The following MAPKAP1 variants were observed in gnomAD, a reference collection of about 807,000 sequenced individuals.
MAPKAP1 encodes the protein target of rapamycin complex 2 subunit MAPKAP1.
MAPKAP1 carries 20 observed loss-of-function variants against 65.7 expected under a neutral mutation model. That is an observed-to-expected ratio of 0.30 (90% CI 0.21 to 0.44). The LOEUF is 0.44. MAPKAP1 is among the 20% of genes least tolerant of loss of function. The pLI, the probability that MAPKAP1 is intolerant of heterozygous loss-of-function variation, is 1.00. For synonymous variants in MAPKAP1, 222 were observed against 244.3 expected, an observed-to-expected ratio of 0.91 and a Z score of 0.85; for missense variants, 423 against 648.0, an observed-to-expected ratio of 0.65 and a Z score of 3.77.
rs2070113 is a variant in MAPKAP1, at chr9:125,484,507, G to A, written c.1143C>T (p.His381=). The A allele has an allele frequency of 0.22, 358,315 of 1,612,050 alleles. 42,197 individuals are homozygous for A. The highest frequency in any genetic ancestry group is 0.29 in the East Asian group (12,928 of 44,774). Reference sequence around the variant, plus strand: ...TGCTGACTTTGAATGACTTGTAATGGTGGCTGCTAAGCATATCCTGTACTG... The same window carrying A: ...TGCTGACTTTGAATGACTTGTAATGATGGCTGCTAAGCATATCCTGTACTG... ...IATVQDMLSS[H]HYKSFKVSMI... The change falls in exon 9 of 12, where the codon CAC becomes CAT. Residue 381 remains histidine, a synonymous_variant. Transcript: ENST00000265960.
chr9:125,520,226 G>A (rs1260151454), intron 7 of MAPKAP1, among the ~76,000 whole-genome samples: 1 of 152,180 alleles, frequency 6.6e-6, no homozygotes, highest in African/African-American at 2.4e-5. Context: ...AGTAAAACGT[G>A]TAAGTAGAAA....
At chr9:125,694,877 A>G (rs1835336891) in intron 1 of MAPKAP1, among the ~76,000 whole-genome samples, 1 of 152,256 alleles carries the variant, frequency 6.6e-6, no homozygotes, top group Non-Finnish European at 1.5e-5. Flanking sequence ...AAATACATTC[A>G]AAACATTTAG....
intron 1 of MAPKAP1, among the ~76,000 whole-genome samples, chr9:125,698,294 TA>T (rs1835468722): frequency 1.6e-4 from 1 of 6,320 alleles, no homozygotes; most frequent in African/African-American, 6.8e-4. Context: ...TATAAATATA[TA>T]TATATATATA....
intron 5 of MAPKAP1, among the ~76,000 whole-genome samples, chr9:125,577,343 T>C: frequency 6.7e-6 from 1 of 148,456 alleles, no homozygotes; most frequent in Non-Finnish European, 1.5e-5. Flanking sequence ...GTCTGGTAAG[T>C]GAGGAGCGTC....
intron 4 of MAPKAP1, among the ~76,000 whole-genome samples, chr9:125,590,226 G>C (rs533033274): frequency 6.6e-6 from 1 of 152,198 alleles, no homozygotes; most frequent in Non-Finnish European, 1.5e-5. Flanking sequence ...TAGAGATGCA[G>C]AGCAGTATGC....
At chr9:125,443,855 C>T (rs1852596143) in intron 11 of MAPKAP1, among the ~76,000 whole-genome samples, 2 of 152,118 alleles carry the variant, frequency 1.3e-5, no homozygotes, top group African/African-American at 4.8e-5. Context: ...TCCATACCTC[C>T]ACCCCAAGTC....
chr9:125,444,363 A>G, intron 11 of MAPKAP1, 138 bp downstream of exon 11: 1 of 650,818 alleles, frequency 1.5e-6, no homozygotes, highest in East Asian at 2.9e-5. Context: ...GCAAGCTGCG[A>G]CACTCCTCCT....
At chr9:125,446,695 G>A (rs1361680792) in intron 10 of MAPKAP1, among the ~76,000 whole-genome samples, 1 of 152,070 alleles carries the variant, frequency 6.6e-6, no homozygotes, top group Non-Finnish European at 1.5e-5. Flanking sequence ...CAGGGCCTGG[G>A]GCTAGAAAGA....
chr9:125,622,679 C>G (rs1053197646), intron 4 of MAPKAP1, among the ~76,000 whole-genome samples: 11 of 152,154 alleles, frequency 7.2e-5, no homozygotes, highest in Non-Finnish European at 1.3e-4. Flanking sequence ...CTCCTAACCT[C>G]GTGATCTGCC....
At chr9:125,583,785 T>G (rs1270378199) in intron 5 of MAPKAP1, among the ~76,000 whole-genome samples, 1 of 152,212 alleles carries the variant, frequency 6.6e-6, no homozygotes, top group Non-Finnish European at 1.5e-5. Flanking sequence ...CATCAAAGGC[T>G]GGGTGCAGTG....
rs370939593 is a variant in MAPKAP1, at chr9:125,571,792, G to A, written c.672-11983C>T. 9.2e-5 allele frequency among the ~76,000 whole-genome samples: 14 copies of A among 152,262 alleles called. No individual in the cohort carries two copies. The East Asian group carries it at 2.3e-3, about 25-fold the overall frequency. ...GAAGGAGAATCGCTTGAACCTGGGA[G>A]GCAGAGATTGCAGTGAGCCAAGATC... On this transcript the variant is annotated intron_variant, in intron 5 of 11. Transcript: ENST00000265960.
intron 6 of MAPKAP1, among the ~76,000 whole-genome samples, chr9:125,553,563 A>C (rs1830648441): frequency 6.6e-6 from 1 of 151,582 alleles, no homozygotes; most frequent in East Asian, 2.0e-4. Context: ...AGGGGAGGGG[A>C]GGGCAAGACG....
chr9:125,539,026 C>A (rs1039603605), intron 7 of MAPKAP1, among the ~76,000 whole-genome samples: 4 of 152,164 alleles, frequency 2.6e-5, no homozygotes, highest in African/African-American at 4.8e-5. Context: ...GTTTGAGAAG[C>A]CCCGTACACT....
At position 125,672,085 on chromosome 9, in the gene MAPKAP1, CT is replaced by C. The variant is rs564833148; in HGVS notation, c.259+230del. ...TGTCCAACATGTCTCTCCTAACCAA[CT>C]TTTTCACTATCCCCCTTCTGTCTAC... On this transcript the variant is annotated intron_variant, in intron 2 of 11. Coordinates refer to ENST00000265960, the MANE Select transcript of MAPKAP1 (RefSeq NM_001006617.3). Among the ~76,000 whole-genome samples the C allele has an allele frequency of 2.9e-4, 44 of 152,288 alleles. No homozygotes were observed. In the East Asian group the frequency reaches 8.5e-3, roughly 29 times the overall value.
At position 125,667,035 on chromosome 9, in the gene MAPKAP1, G is replaced by A. The variant is rs138442525; in HGVS notation, c.349+2783C>T. On this transcript the variant is annotated intron_variant, in intron 3 of 11. Transcript: ENST00000265960. ...ACCACAGGCTCAATTATCAAAATCC[G>A]TGAGACACAGAAAAGAGAGAGAAGG... Among the ~76,000 whole-genome samples, 992 of 152,270 alleles carry A rather than the reference G, an allele frequency of 6.5e-3. 4 individuals are homozygous for A. Among genetic ancestry groups the A allele is most frequent in the Non-Finnish European group, 8.3e-3 (565 of 68,026 alleles).
intron 7 of MAPKAP1, among the ~76,000 whole-genome samples, chr9:125,527,132 T>C (rs1829795737): frequency 6.6e-6 from 1 of 151,856 alleles, no homozygotes; most frequent in Non-Finnish European, 1.5e-5. Flanking sequence ...TGGCGCGATC[T>C]TGGCTCACTG....
chr9:125,528,739 T>C (rs1276763742), intron 7 of MAPKAP1, among the ~76,000 whole-genome samples: 1 of 143,530 alleles, frequency 7.0e-6, no homozygotes, highest in Non-Finnish European at 1.5e-5. Context: ...GCCAGCTACT[T>C]GGGAGGCTGA....
intron 10 of MAPKAP1, among the ~76,000 whole-genome samples, chr9:125,459,476 G>T (rs1287423506): frequency 6.6e-6 from 1 of 151,292 alleles, no homozygotes; most frequent in African/African-American, 2.5e-5. Flanking sequence ...CTGGGAGGTG[G>T]AGGTTGTAGC....
chr9:125,539,480 T>A (rs1013034872), intron 7 of MAPKAP1, among the ~76,000 whole-genome samples: 1 of 152,232 alleles, frequency 6.6e-6, no homozygotes, highest in African/African-American at 2.4e-5. Context: ...ATGTTAAACA[T>A]TGAAATTGAT....
Sources: gnomAD v4.1 joint callset for allele counts (sites outside exome capture counted in the v4.1 genomes callset) on GRCh38, gnomAD v4.1.1 for gene constraint, MANE v1.5 for transcripts, NCBI Gene and HGNC (gene_info 2026-07-23, HGNC 2026-07-21) for gene names.